SLC35F3: variants seen among roughly 807,000 people sequenced by gnomAD.
SLC35F3 encodes solute carrier family 35 member F3, also known as putative thiamine transporter SLC35F3.
SLC35F3 carries 25 observed loss-of-function variants against 49.9 expected under a neutral mutation model. That is an observed-to-expected ratio of 0.50 (90% CI 0.37 to 0.70). SLC35F3 has a LOEUF of 0.70. SLC35F3 is among the 30% of genes least tolerant of loss of function. The probability of loss-of-function intolerance (pLI) is 0.00; values close to 1 mark genes in which losing one functional copy is unlikely to be tolerated. For missense variants in SLC35F3, 525 were observed against 639.8 expected, an observed-to-expected ratio of 0.82 and a Z score of 1.94; for synonymous variants, 275 against 265.4, an observed-to-expected ratio of 1.04 and a Z score of -0.35.
chr1:234,286,759 T>C (rs1668427040), intron 3 of SLC35F3, among the ~76,000 whole-genome samples: 1 of 152,172 alleles, frequency 6.6e-6, no homozygotes. Context: ...ATGTAAAAGT[T>C]ATATGGAGCT....
At chr1:234,139,951 T>TAATAAAATAAAATAAAATAAAATAAAAAA (rs1665868856) in intron 2 of SLC35F3, among the ~76,000 whole-genome samples, 1 of 90,564 alleles carries the variant, frequency 1.1e-5, no homozygotes, top group Non-Finnish European at 2.3e-5. Context: ...CATCTCAAAA[T>TAATAAAATAAAATAAAATAAAATAAAAAA]AATAAAATAA....
At position 234,084,899 on chromosome 1, in the gene SLC35F3, T is replaced by C. The variant is rs1003422285; in HGVS notation, c.284-146518T>C. Among the ~76,000 whole-genome samples the C allele has an allele frequency of 9.2e-5, 14 of 152,290 alleles. No homozygotes were observed. The East Asian group carries it at 2.7e-3, about 29-fold the overall frequency. On this transcript the variant is annotated intron_variant, in intron 2 of 7. Coordinates refer to ENST00000366618, the MANE Select transcript of SLC35F3 (RefSeq NM_173508.4). ...TATTAGAAGGACTGAGGGGCCACAT[T>C]AGAAGTGGATATTCTGCAGTCAGCC... is the stretch of plus-strand genomic sequence containing the variant.
chr1:234,010,781 G>A (rs1390314151), intron 2 of SLC35F3, among the ~76,000 whole-genome samples: 3 of 151,974 alleles, frequency 2.0e-5, no homozygotes, highest in African/African-American at 4.8e-5. Flanking sequence ...GGAAAGAGAT[G>A]GAAAGAAAAG....
At chr1:234,169,536 G>T (rs915662680) in intron 2 of SLC35F3, among the ~76,000 whole-genome samples, 9 of 152,156 alleles carry the variant, frequency 5.9e-5, no homozygotes, top group African/African-American at 2.2e-4. Flanking sequence ...CTGGATTTCT[G>T]GGAGTTTCTG....
chr1:234,138,254 G>A (rs1034500780), intron 2 of SLC35F3, among the ~76,000 whole-genome samples: 5 of 152,104 alleles, frequency 3.3e-5, no homozygotes, highest in African/African-American at 7.2e-5. Flanking sequence ...ACTTATCTCA[G>A]AAGTTGTGGT....
At chr1:234,286,554 T>C (rs768804001) in intron 3 of SLC35F3, among the ~76,000 whole-genome samples, 1 of 152,230 alleles carries the variant, frequency 6.6e-6, no homozygotes, top group Non-Finnish European at 1.5e-5. Context: ...TATGACAGCA[T>C]TGTTCTCTTC....
At chr1:233,990,423 A>AT (rs1488021488) in intron 2 of SLC35F3, among the ~76,000 whole-genome samples, 2 of 152,126 alleles carry the variant, frequency 1.3e-5, no homozygotes, top group South Asian at 4.2e-4. Flanking sequence ...CCAATTTTCT[A>AT]TTTTTTCCAT....
intron 3 of SLC35F3, among the ~76,000 whole-genome samples, chr1:234,261,224 A>C (rs1667899187): frequency 6.6e-6 from 1 of 152,172 alleles, no homozygotes; most frequent in Non-Finnish European, 1.5e-5. Flanking sequence ...GAATAAAGTG[A>C]AAGCAAGTTT....
intron 2 of SLC35F3, among the ~76,000 whole-genome samples, chr1:234,000,272 G>A (rs1213995721): frequency 6.6e-6 from 1 of 152,196 alleles, no homozygotes; most frequent in Non-Finnish European, 1.5e-5. Flanking sequence ...TAGGATTGCA[G>A]TCCAACTCAG....
intron 2 of SLC35F3, among the ~76,000 whole-genome samples, chr1:234,038,415 A>G (rs1297576553): frequency 6.6e-6 from 1 of 151,664 alleles, no homozygotes; most frequent in East Asian, 1.9e-4. Context: ...ATAGTGCCAC[A>G]ATAAACATAC....
intron 3 of SLC35F3, among the ~76,000 whole-genome samples, chr1:234,266,108 T>A (rs1667975276): frequency 6.6e-6 from 1 of 152,230 alleles, no homozygotes; most frequent in African/African-American, 2.4e-5. Context: ...GTTTGTTTGC[T>A]CTCTGTACTA....
chr1:234,092,141 G>A (rs911313948), intron 2 of SLC35F3, among the ~76,000 whole-genome samples: 2 of 152,214 alleles, frequency 1.3e-5, no homozygotes, highest in Non-Finnish European at 2.9e-5. Context: ...GACACACCCA[G>A]AGGGAAGTTT....
chr1:234,257,866 T>C (rs1667846590), intron 3 of SLC35F3, among the ~76,000 whole-genome samples: 1 of 152,232 alleles, frequency 6.6e-6, no homozygotes, highest in African/African-American at 2.4e-5. Flanking sequence ...GCATTCCTTT[T>C]ATAGGTAATT....
At chr1:234,024,230 A>T (rs1056327838) in intron 2 of SLC35F3, among the ~76,000 whole-genome samples, 2 of 152,156 alleles carry the variant, frequency 1.3e-5, no homozygotes, top group East Asian at 3.9e-4. Context: ...TAAAAAAAAA[A>T]AGCACTAGGC....
chr1:234,010,742 A>G (rs986124777), intron 2 of SLC35F3, among the ~76,000 whole-genome samples: 1 of 152,140 alleles, frequency 6.6e-6, no homozygotes, highest in Non-Finnish European at 1.5e-5. Context: ...ATGTTAGAGC[A>G]CCTAAATATA....
At chr1:234,057,283 A>T (rs930630626) in intron 2 of SLC35F3, among the ~76,000 whole-genome samples, 1 of 152,190 alleles carries the variant, frequency 6.6e-6, no homozygotes, top group Non-Finnish European at 1.5e-5. Flanking sequence ...AAATTTTCTC[A>T]TCTAGTAACA....
rs182702117 is a variant in SLC35F3, at chr1:234,061,329, A to G, written c.283+155571A>G. Among the ~76,000 whole-genome samples, 361 of 152,174 alleles carry G rather than the reference A, an allele frequency of 2.4e-3. 2 individuals carry two copies. Among genetic ancestry groups the G allele is most frequent in the Middle Eastern group, 6.8e-3 (2 of 294 alleles). On this transcript the variant is annotated intron_variant, in intron 2 of 7. Transcript: ENST00000366618. ...TGTTTCTATTGAGAAGTCAGCTGTT[A>G]ATCTTATTGAGATTCTCTTTTAAAT...
chr1:233,924,238 C>T (rs961344029), intron 2 of SLC35F3, among the ~76,000 whole-genome samples: 1 of 152,140 alleles, frequency 6.6e-6, no homozygotes, highest in Non-Finnish European at 1.5e-5. Context: ...CCTCTTTGTA[C>T]CTCTGGTAGA....
At chr1:233,920,142 T>C (rs1662035657) in intron 2 of SLC35F3, among the ~76,000 whole-genome samples, 1 of 152,164 alleles carries the variant, frequency 6.6e-6, no homozygotes, top group African/African-American at 2.4e-5. Context: ...ATATGAGAAT[T>C]GGAGGCAATA....
Sources: gnomAD v4.1 joint callset for allele counts (sites outside exome capture counted in the v4.1 genomes callset) on GRCh38, gnomAD v4.1.1 for gene constraint, MANE v1.5 for transcripts, NCBI Gene and HGNC (gene_info 2026-07-23, HGNC 2026-07-21) for gene names.